DOK6: variants seen among roughly 807,000 people sequenced by gnomAD.
DOK6 encodes downstream of tyrosine kinase 6.
A neutral mutation model predicts 44.0 loss-of-function variants in DOK6; 22 were observed. The ratio of observed to expected loss-of-function variants is 0.50; its 90% CI spans 0.36 to 0.71. The LOEUF (loss-of-function observed/expected upper bound fraction) is 0.71. DOK6 is among the 30% of genes least tolerant of loss of function. The pLI is 0.00. For synonymous variants in DOK6, 166 were observed against 145.5 expected (o/e 1.14, Z -1.01); for missense variants, 340 against 416.4 (o/e 0.82, Z 1.60).
intron 5 of DOK6, among the ~76,000 whole-genome samples, chr18:69,738,490 A>T (rs1024596622): frequency 2.6e-5 from 4 of 152,230 alleles, no homozygotes; most frequent in Non-Finnish European, 4.4e-5. Flanking sequence ...TGTTTTTAAA[A>T]AGTAATTCTA....
intron 3 of DOK6, among the ~76,000 whole-genome samples, chr18:69,670,613 G>T (rs1372879967): frequency 6.6e-6 from 1 of 150,532 alleles, no homozygotes; most frequent in Non-Finnish European, 1.5e-5. Flanking sequence ...AGGTTCAAGT[G>T]ATTCTCCTGC....
chr18:69,555,008 C>A lies in DOK6; in HGVS notation c.67-9479C>A, dbSNP rs537366058. 1.5e-3 allele frequency among the ~76,000 whole-genome samples: 232 copies of A among 152,262 alleles called. 2 individuals carry two copies. Among genetic ancestry groups the A allele is most frequent in the African/African-American group, 5.3e-3 (221 of 41,552 alleles). ...TCTTCTTTTGGATTATTTACATATT[C>A]TGGATATGTACCCATTTAACAGTTA... On this transcript the variant is annotated intron_variant, in intron 1 of 7. Transcript: ENST00000382713.
chr18:69,431,127 A>G (rs1187078185), intron 1 of DOK6, among the ~76,000 whole-genome samples: 3 of 152,212 alleles, frequency 2.0e-5, no homozygotes, highest in Non-Finnish European at 4.4e-5. Flanking sequence ...TCACCAAACT[A>G]AGGAAAAGAG....
At chr18:69,464,547 A>G (rs576758415) in intron 1 of DOK6, among the ~76,000 whole-genome samples, 1 of 152,374 alleles carries the variant, frequency 6.6e-6, no homozygotes, top group East Asian at 1.9e-4. Context: ...CACCATCTTC[A>G]GTCTAGGACA....
rs1317779807 is a variant in DOK6, at chr18:69,488,694, CAGA to C, written c.67-75788_67-75786del. ...AGATCCTGTACGACTTATTCACTAT[CAGA>C]AGAACAGCAAGGGAAAAACCTGCCT... On this transcript the variant is annotated intron_variant, in intron 1 of 7. Coordinates refer to ENST00000382713, the MANE Select transcript of DOK6 (RefSeq NM_152721.6). Among the ~76,000 whole-genome samples, 24 of 152,194 alleles carry C rather than the reference CAGA, an allele frequency of 1.6e-4. No individual in the cohort carries two copies. The South Asian group carries it at 1.7e-3, about 11-fold the overall frequency.
chr18:69,783,932 G>A (rs1049926380), intron 7 of DOK6, among the ~76,000 whole-genome samples: 34 of 152,154 alleles, frequency 2.2e-4, no homozygotes, highest in African/African-American at 8.2e-4. Context: ...GGTGGTTTAT[G>A]CCTGTAATCC....
At chr18:69,468,824 TTAGAATA>T (rs1377988332) in intron 1 of DOK6, among the ~76,000 whole-genome samples, 1 of 152,096 alleles carries the variant, frequency 6.6e-6, no homozygotes, top group African/African-American at 2.4e-5. Flanking sequence ...CAGAAAGAAT[TTAGAATA>T]TAAAGACACG....
intron 7 of DOK6, among the ~76,000 whole-genome samples, chr18:69,824,361 T>TTG (rs1361232585): frequency 9.9e-5 from 15 of 151,646 alleles, no homozygotes; most frequent in African/African-American, 3.6e-4. Context: ...AAAAATTTTT[T>TTG]GAGACAGGGT....
At chr18:69,682,618 C>T (rs62092666) in intron 4 of DOK6, among the ~76,000 whole-genome samples, 1,691 of 152,252 alleles carry the variant, frequency 0.011, 24 homozygotes, top group Non-Finnish European at 0.019. Flanking sequence ...ATTCCATTGG[C>T]CAAGGCAAGT....
At chr18:69,670,060 A>G (rs1035336462) in intron 3 of DOK6, among the ~76,000 whole-genome samples, 1 of 152,180 alleles carries the variant, frequency 6.6e-6, no homozygotes, top group African/African-American at 2.4e-5. Flanking sequence ...AGCTGTTATC[A>G]ATTTGATTTT....
intron 3 of DOK6, among the ~76,000 whole-genome samples, chr18:69,624,065 A>C (rs1984501978): frequency 6.6e-6 from 1 of 152,156 alleles, no homozygotes; most frequent in South Asian, 2.1e-4. Flanking sequence ...TTTGACATAG[A>C]GTAGGGAACA....
intron 1 of DOK6, 66 bp downstream of exon 1, chr18:69,401,376 G>T (rs570490351): frequency 1.9e-4 from 269 of 1,420,188 alleles, no homozygotes; most frequent in Non-Finnish European, 2.3e-4. Flanking sequence ...GCCTGGGGGG[G>T]GGGCAGGGAG....
At chr18:69,626,942 G>A (rs1434059987) in intron 3 of DOK6, among the ~76,000 whole-genome samples, 1 of 151,778 alleles carries the variant, frequency 6.6e-6, no homozygotes, top group African/African-American at 2.4e-5. Context: ...TAGACTGCCT[G>A]GATCTGCAAG....
chr18:69,549,477 C>T (rs1982504119), intron 1 of DOK6, among the ~76,000 whole-genome samples: 2 of 151,512 alleles, frequency 1.3e-5, no homozygotes, highest in South Asian at 4.2e-4. Flanking sequence ...TCTACAAATT[C>T]TTATCGTGAA....
intron 7 of DOK6, among the ~76,000 whole-genome samples, chr18:69,777,037 A>C (rs1054920959): frequency 7.3e-5 from 11 of 151,624 alleles, no homozygotes; most frequent in South Asian, 6.3e-4. Context: ...GGTATACCTA[A>C]TGCTAAATGA....
intron 2 of DOK6, among the ~76,000 whole-genome samples, chr18:69,590,435 A>G (rs1983597555): frequency 2.0e-5 from 3 of 152,106 alleles, no homozygotes; most frequent in African/African-American, 7.2e-5. Flanking sequence ...AGATCAGCAT[A>G]CTCCAAGTGG....
At chr18:69,828,949 G>A (rs1207091845) in intron 7 of DOK6, among the ~76,000 whole-genome samples, 10 of 138,616 alleles carry the variant, frequency 7.2e-5, no homozygotes, top group Non-Finnish European at 1.1e-4. Flanking sequence ...GGGAATAAAA[G>A]CCTTTATAAA....
At chr18:69,424,643 TACTC>T (rs61377689) in intron 1 of DOK6, among the ~76,000 whole-genome samples, 48,639 of 151,744 alleles carry the variant, frequency 0.32, 7,844 homozygotes, top group Middle Eastern at 0.41. Context: ...TTTTTTGTCT[TACTC>T]AAGAAGGCTC....
intron 4 of DOK6, among the ~76,000 whole-genome samples, chr18:69,694,494 T>A (rs956544132): frequency 1.3e-5 from 2 of 150,896 alleles, no homozygotes; most frequent in African/African-American, 4.9e-5. Flanking sequence ...TTAATAAATA[T>A]TCCACCCTTG....
Sources: gnomAD v4.1 joint callset for allele counts (sites outside exome capture counted in the v4.1 genomes callset) on GRCh38, gnomAD v4.1.1 for gene constraint, MANE v1.5 for transcripts, NCBI Gene and HGNC (gene_info 2026-07-23, HGNC 2026-07-21) for gene names.